The following MYT1L variants were observed in gnomAD, a reference collection of about 807,000 sequenced individuals.
MYT1L encodes the protein myelin transcription factor 1 like.
A neutral mutation model predicts 126.7 loss-of-function variants in MYT1L; 12 were observed. The observed-to-expected ratio is 0.09, with a 90% CI of 0.06 to 0.15. The LOEUF (loss-of-function observed/expected upper bound fraction) is 0.15, where lower values mean the gene tolerates loss of function less well. Ranked by LOEUF, MYT1L falls within the 10% of genes least tolerant of loss-of-function variation. The pLI is 1.00. For missense variants in MYT1L, 979 were observed against 1,585.2 expected, an observed-to-expected ratio of 0.62 and a Z score of 6.49; for synonymous variants, 541 against 604.2, an observed-to-expected ratio of 0.90 and a Z score of 1.53.
intron 2 of MYT1L, among the ~76,000 whole-genome samples, chr2:2,235,947 G>T (rs531576708): frequency 6.6e-6 from 1 of 152,136 alleles, no homozygotes; most frequent in African/African-American, 2.4e-5. Flanking sequence ...AGTTTCATTT[G>T]CATTGCATCT....
In MYT1L at chr2:2,022,093, G is replaced by A. The variant is rs139095965; in HGVS notation, c.-157-24746C>T. 2.3e-3 allele frequency among the ~76,000 whole-genome samples: 345 copies of A among 152,196 alleles called. 1 individual carries two copies. Among genetic ancestry groups the A allele is most frequent in the Non-Finnish European group, 2.3e-3 (159 of 68,012 alleles). On this transcript the variant is annotated intron_variant, in intron 4 of 24. Transcript: ENST00000647738. ...TGTGTATGTCTGCTGCACTTCCCTC[G>A]GGCAAGTGGGTGCAGCACACTGTTC...
intron 1 of MYT1L, among the ~76,000 whole-genome samples, chr2:2,320,044 C>T (rs1210045765): frequency 6.6e-6 from 1 of 152,098 alleles, no homozygotes; most frequent in Non-Finnish European, 1.5e-5. Flanking sequence ...TTGCTAACTC[C>T]AGCTTGTCTG....
At chr2:1,966,265 TACTC>T (rs1439590329) in intron 8 of MYT1L, among the ~76,000 whole-genome samples, 4 of 152,378 alleles carry the variant, frequency 2.6e-5, no homozygotes, top group South Asian at 2.1e-4. Flanking sequence ...TCGCTTGACT[TACTC>T]ACCACTCTTT....
intron 2 of MYT1L, among the ~76,000 whole-genome samples, chr2:2,186,236 G>A (rs891621730): frequency 2.8e-5 from 4 of 144,114 alleles, no homozygotes; most frequent in African/African-American, 1.1e-4. Flanking sequence ...CTTACGTGAG[G>A]GGGACGCAGC....
intron 4 of MYT1L, among the ~76,000 whole-genome samples, chr2:2,036,408 C>G (rs1345570004): frequency 7.9e-6 from 1 of 127,064 alleles, no homozygotes; most frequent in Non-Finnish European, 1.7e-5. Context: ...ACAATCTCCA[C>G]CCTCCAATGC....
At chr2:1,865,565 A>T (rs1252396626) in intron 18 of MYT1L, among the ~76,000 whole-genome samples, 1 of 152,068 alleles carries the variant, frequency 6.6e-6, no homozygotes, top group Non-Finnish European at 1.5e-5. Context: ...AGTGCAGAGA[A>T]TTTTAGCTCC....
intron 18 of MYT1L, 140 bp from the exon 19 acceptor site, chr2:1,851,843 C>T (rs2043302899): frequency 1.3e-6 from 1 of 786,164 alleles, no homozygotes; most frequent in Non-Finnish European, 2.1e-6. Context: ...GCCGGAAGCT[C>T]CCTCATGGAG....
At chr2:2,276,062 G>A (rs937102604) in intron 2 of MYT1L, among the ~76,000 whole-genome samples, 9 of 152,180 alleles carry the variant, frequency 5.9e-5, no homozygotes, top group African/African-American at 2.2e-4. Flanking sequence ...TTGGTGGAAT[G>A]TGAGCATTCA....
At chr2:1,865,367 GC>G (rs2045324365) in intron 18 of MYT1L, among the ~76,000 whole-genome samples, 1 of 152,182 alleles carries the variant, frequency 6.6e-6, no homozygotes, top group Non-Finnish European at 1.5e-5. Context: ...CAGGGGTGTG[GC>G]CAAAGAGCCC....
chr2:2,128,797 T>G lies in MYT1L; in HGVS notation c.-304+44075A>C, dbSNP rs983495986. 2.0e-5 allele frequency among the ~76,000 whole-genome samples: 3 copies of G among 152,300 alleles called. No homozygotes were observed. The South Asian group carries it at 6.2e-4, about 32-fold the overall frequency. On this transcript the variant is annotated intron_variant, in intron 3 of 24. Transcript: ENST00000647738. The stretch of plus-strand genomic sequence containing the variant: ...TTAAATGGAGAAATGTTAATAACAC[T>G]GCATTGAGATCAGGAAAAAGAGATG...
In MYT1L at chr2:1,789,857, G is replaced by A. The variant is rs183462705; in HGVS notation, c.*2010C>T. ...TACAGAGAAGGTTCCGCAGAGCCCC[G>A]AAATAATTACATCGTCTTTTCCCAG... is the stretch of plus-strand genomic sequence containing the variant. On this transcript the variant is annotated 3_prime_UTR_variant, in exon 25 of 25. Coordinates refer to ENST00000647738, the MANE Select transcript of MYT1L (RefSeq NM_001303052.2). 3.3e-5 allele frequency: 5 copies of A among 152,294 alleles called. No homozygotes were observed. Among genetic ancestry groups the A allele is most frequent in the Admixed American group, 6.5e-5 (1 of 15,288 alleles). The allele number at this position is 152,294 out of a possible 1,614,324, so 9.4% of individuals were successfully genotyped here.
At chr2:1,868,805 T>C (rs1348211668) in intron 18 of MYT1L, among the ~76,000 whole-genome samples, 1 of 152,122 alleles carries the variant, frequency 6.6e-6, no homozygotes, top group Admixed American at 6.5e-5. Flanking sequence ...GGTTCTACCG[T>C]GTGCAGGAAA....
chr2:2,254,765 T>C (rs1447306618), intron 2 of MYT1L, among the ~76,000 whole-genome samples: 1 of 152,240 alleles, frequency 6.6e-6, no homozygotes, highest in Non-Finnish European at 1.5e-5. Flanking sequence ...TTTTACTTAA[T>C]TGAACTTTAA....
At chr2:2,105,521 G>T (rs779289501) in intron 3 of MYT1L, among the ~76,000 whole-genome samples, 17 of 152,156 alleles carry the variant, frequency 1.1e-4, no homozygotes, top group African/African-American at 1.7e-4. Context: ...AAGAACAACT[G>T]CTTTCTCTCC....
At chr2:2,311,997 T>C (rs535768616) in intron 1 of MYT1L, among the ~76,000 whole-genome samples, 5 of 152,338 alleles carry the variant, frequency 3.3e-5, no homozygotes, top group South Asian at 2.1e-4. Context: ...ACATTGTGTG[T>C]GCAGCAATGC....
intron 4 of MYT1L, among the ~76,000 whole-genome samples, chr2:2,014,324 T>C: frequency 6.6e-6 from 1 of 152,070 alleles, no homozygotes; most frequent in South Asian, 2.1e-4. Context: ...GGTCTCCAAG[T>C]TCCTTCCAAA....
chr2:1,923,955 T>C lies in MYT1L; in HGVS notation c.506-692A>G, dbSNP rs368310514. ...ACAGTAAATCTGATTCCTCTGTCTG[T>C]GTCTCCACAGGTTTGAAAGTGAGAG... On this transcript the variant is annotated intron_variant, in intron 9 of 24. Coordinates refer to ENST00000647738, the MANE Select transcript of MYT1L (RefSeq NM_001303052.2). Among the ~76,000 whole-genome samples the C allele has an allele frequency of 1.1e-4, 17 of 152,336 alleles. No homozygotes were observed. The East Asian group carries it at 1.5e-3, about 14-fold the overall frequency.
chr2:2,024,332 AAC>A (rs1304518263), intron 4 of MYT1L, among the ~76,000 whole-genome samples: 2 of 152,170 alleles, frequency 1.3e-5, no homozygotes, highest in Non-Finnish European at 2.9e-5. Flanking sequence ...CAAACAAAAT[AAC>A]ACAGCACCCA....
At chr2:1,863,634 C>T (rs532730382) in intron 18 of MYT1L, among the ~76,000 whole-genome samples, 113 of 152,136 alleles carry the variant, frequency 7.4e-4, no homozygotes, top group African/African-American at 2.3e-3. Context: ...TGGCATGTCC[C>T]GCTCCAGCCC....
Sources: allele counts gnomAD v4.1 joint callset (sites outside exome capture counted in the v4.1 genomes callset), GRCh38; gene constraint gnomAD v4.1.1; transcripts MANE v1.5; gene names NCBI Gene and HGNC (gene_info 2026-07-23, HGNC 2026-07-21).